ST7: variants seen among roughly 807,000 people sequenced by gnomAD.
ST7 encodes the protein suppression of tumorigenicity 7.
In ST7, 28 loss-of-function variants were observed where a neutral mutation model predicts 78.7. That is an observed-to-expected ratio of 0.36 (90% CI 0.26 to 0.49). ST7 has a LOEUF of 0.49. Ranked by LOEUF, ST7 falls within the 20% of genes least tolerant of loss-of-function variation. ST7 has a pLI of 0.99. For synonymous variants in ST7, 247 were observed against 249.6 expected (o/e 0.99, Z 0.10); for missense variants, 418 against 696.0 (o/e 0.60, Z 4.49).
chr7:117,174,234 A>G (rs1443620886), intron 10 of ST7, among the ~76,000 whole-genome samples: 4 of 152,224 alleles, frequency 2.6e-5, no homozygotes, highest in Admixed American at 2.0e-4. Flanking sequence ...GTGATTCAAC[A>G]TTATAGGTGG....
At chr7:117,085,640 A>G (rs1288263090) in intron 1 of ST7, among the ~76,000 whole-genome samples, 1 of 152,216 alleles carries the variant, frequency 6.6e-6, no homozygotes, top group Non-Finnish European at 1.5e-5. Context: ...GGCTTTTTGC[A>G]TGAAAGATAG....
chr7:117,201,759 AGT>A (rs1000006057), intron 12 of ST7, among the ~76,000 whole-genome samples: 1 of 151,702 alleles, frequency 6.6e-6, no homozygotes, highest in Non-Finnish European at 1.5e-5. Flanking sequence ...GGCCTCCCAA[AGT>A]GCTGGGATTA....
At chr7:117,196,624 C>CTTTTTTTTTTTTTTTTTT (rs56133709) in intron 12 of ST7, among the ~76,000 whole-genome samples, 1 of 59,520 alleles carries the variant, frequency 1.7e-5, no homozygotes, top group African/African-American at 6.5e-5. Flanking sequence ...GATTGTTGGG[C>CTTTTTTTTTTTTTTTTTT]TTTTTTTTTT....
chr7:117,096,067 C>CAAAAAAAAAAAAAAAAAAAAAAAAAAAA, intron 1 of ST7, among the ~76,000 whole-genome samples: 1 of 35,674 alleles, frequency 2.8e-5, no homozygotes, highest in Non-Finnish European at 4.9e-5. Context: ...GATTCTGCCT[C>CAAAAAAAAAAAAAAAAAAAAAAAAAAAA]AAAAAAAAAA....
chr7:117,201,936 C>T (rs1338499325), intron 12 of ST7, among the ~76,000 whole-genome samples: 1 of 152,044 alleles, frequency 6.6e-6, no homozygotes, highest in East Asian at 1.9e-4. Context: ...TATTCACTGC[C>T]CTCTCCCTCC....
intron 1 of ST7, among the ~76,000 whole-genome samples, chr7:117,058,426 A>C (rs1052463359): frequency 6.6e-6 from 1 of 152,182 alleles, no homozygotes; most frequent in Non-Finnish European, 1.5e-5. Context: ...ACCATCTGCT[A>C]TATATCTTTT....
rs185059102 is a variant in ST7 at position 117,177,434 on chromosome 7, G to A, written c.1078+6458G>A. On this transcript the variant is annotated intron_variant, in intron 10 of 15. Coordinates refer to ENST00000323984, the MANE Select transcript of ST7 (RefSeq NM_001369598.1). The stretch of plus-strand genomic sequence containing the variant: ...TGCCCAGTTATCATAATTTACCAAG[G>A]TAACATCCCTCCCCAGCCAGCCATT... Among the ~76,000 whole-genome samples, 6 of 152,230 alleles carry A rather than the reference G, an allele frequency of 3.9e-5. No individual in the cohort carries two copies. In the East Asian group the frequency reaches 9.6e-4, roughly 24 times the overall value.
intron 9 of ST7, among the ~76,000 whole-genome samples, chr7:117,170,636 G>A (rs1807917994): frequency 6.6e-6 from 1 of 151,936 alleles, no homozygotes; most frequent in South Asian, 2.1e-4. Flanking sequence ...AGCTGAGATC[G>A]CACCACTGCA....
At chr7:117,175,598 A>G (rs1265512712) in intron 10 of ST7, among the ~76,000 whole-genome samples, 1 of 152,160 alleles carries the variant, frequency 6.6e-6, no homozygotes, top group African/African-American at 2.4e-5. Context: ...TCACCAACTG[A>G]GGGAGCTTGA....
At chr7:117,186,397 T>C (rs566278230) in intron 10 of ST7, among the ~76,000 whole-genome samples, 1 of 152,348 alleles carries the variant, frequency 6.6e-6, no homozygotes, top group African/African-American at 2.4e-5. Flanking sequence ...ACAAAGTAAC[T>C]GATGGGCGGG....
At chr7:116,956,331 C>T (rs1792482972) in intron 1 of ST7, 1 of 373,464 alleles carries the variant, frequency 2.7e-6, no homozygotes, top group South Asian at 2.1e-5. Flanking sequence ...GCCAGCACCC[C>T]TGAGAGGGGA....
At chr7:117,036,841 C>G (rs1796923182) in intron 1 of ST7, among the ~76,000 whole-genome samples, 1 of 152,192 alleles carries the variant, frequency 6.6e-6, no homozygotes, top group Non-Finnish European at 1.5e-5. Context: ...GCTTGAATCT[C>G]TCAATCTAAA....
At chr7:117,197,223 G>C (rs1810402793) in intron 12 of ST7, among the ~76,000 whole-genome samples, 2 of 152,148 alleles carry the variant, frequency 1.3e-5, no homozygotes, top group South Asian at 2.1e-4. Context: ...TTTTAATAGA[G>C]ACGAAGTCTC....
chr7:117,197,173 T>G (rs1810397803), intron 12 of ST7, among the ~76,000 whole-genome samples: 1 of 152,144 alleles, frequency 6.6e-6, no homozygotes, highest in South Asian at 2.1e-4. Context: ...TAGCTGGGAC[T>G]ATAGGTATGC....
At chr7:117,225,162 G>A (rs991123302) in intron 15 of ST7, among the ~76,000 whole-genome samples, 6 of 152,200 alleles carry the variant, frequency 3.9e-5, no homozygotes, top group Admixed American at 6.5e-5. Context: ...AGGACTGGCC[G>A]TACAGCTGTG....
Position 117,132,437 on chromosome 7 carries a change from A to G in ST7, c.641+477A>G, listed in dbSNP as rs562094030. ...GGAAATGCTGTCTTGAGTGTTGTTA[A>G]ACATTCTGTGGGTTACCAAGGAAGG... On this transcript the variant is annotated intron_variant, in intron 6 of 15. Coordinates refer to ENST00000323984, the MANE Select transcript of ST7 (RefSeq NM_001369598.1). 1.1e-3 allele frequency among the ~76,000 whole-genome samples: 172 copies of G among 151,956 alleles called. 1 individual carries two copies. Among genetic ancestry groups the G allele is most frequent in the South Asian group, 3.1e-3 (15 of 4,816 alleles).
intron 1 of ST7, among the ~76,000 whole-genome samples, chr7:117,077,981 C>T (rs1472873915): frequency 6.6e-6 from 1 of 151,680 alleles, no homozygotes; most frequent in Non-Finnish European, 1.5e-5. Flanking sequence ...GGATTCTTCA[C>T]TTAAGTGCTA....
At chr7:117,218,944 G>A in intron 13 of ST7, 140 bp from the exon 14 acceptor site, 4 of 629,284 alleles carry the variant, frequency 6.4e-6, no homozygotes, top group Admixed American at 5.6e-5. Context: ...ATTTCATCTG[G>A]CACATAGCTT....
At chr7:117,140,662 A>G (rs563388229) in intron 9 of ST7, among the ~76,000 whole-genome samples, 6 of 152,244 alleles carry the variant, frequency 3.9e-5, no homozygotes, top group African/African-American at 1.2e-4. Flanking sequence ...ATACACATAC[A>G]TATTTATGCA....
Sources: allele counts gnomAD v4.1 joint callset (sites outside exome capture counted in the v4.1 genomes callset), GRCh38; gene constraint gnomAD v4.1.1; transcripts MANE v1.5; gene names NCBI Gene and HGNC (gene_info 2026-07-23, HGNC 2026-07-21).